NAV3: variants seen among roughly 807,000 people sequenced by gnomAD.
The protein encoded by NAV3 is pore membrane and/or filament interacting like protein 1.
In NAV3, 87 loss-of-function variants were observed where a neutral mutation model predicts 244.7. The ratio of observed to expected loss-of-function variants is 0.36; its 90% CI spans 0.30 to 0.42. The LOEUF is 0.42. Ranked by LOEUF, NAV3 falls within the 20% of genes least tolerant of loss-of-function variation. NAV3 has a pLI of 1.00. For missense variants in NAV3, 2,663 were observed against 2,893.3 expected, an observed-to-expected ratio of 0.92 and a Z score of 1.83; for synonymous variants, 1,126 against 1,042.2, an observed-to-expected ratio of 1.08 and a Z score of -1.55.
chr12:77,581,440 A>G (rs1689576761), intron 2 of NAV3, among the ~76,000 whole-genome samples: 1 of 152,166 alleles, frequency 6.6e-6, no homozygotes, highest in African/African-American at 2.4e-5. Context: ...ATTACACTGA[A>G]TAGTGTAGTT....
Position 77,831,540 on chromosome 12 carries a change from C to T in NAV3, c.79C>T (p.Pro27Ser). The change falls in exon 1 of 40, where the codon CCA (proline) becomes TCA (serine). Residue 27 changes from proline (P) to serine (S), a missense_variant. By Grantham distance (74) the Pro-to-Ser change is moderately conservative. Transcript: ENST00000397909. ...SKPVHTALPI[P>S]NLGTTGSQHC... ...GCCTGTGCATACTGCTCTTCCGATA[C>T]CAAATCTTGGCACTACTGGGTCACA... 1 of 1,614,094 alleles carries T rather than the reference C, an allele frequency of 6.2e-7. No individual in the cohort carries two copies. The highest frequency in any genetic ancestry group is 8.5e-7 in the Non-Finnish European group (1 of 1,180,002).
At chr12:78,077,310 G>C (rs1593488973) in intron 12 of NAV3, among the ~76,000 whole-genome samples, 2 of 152,060 alleles carry the variant, frequency 1.3e-5, no homozygotes, top group African/African-American at 4.8e-5. Context: ...ATTCTTATCT[G>C]GGCCAGAGTT....
At chr12:78,192,188 T>C (rs1959012388) in intron 34 of NAV3, among the ~76,000 whole-genome samples, 1 of 151,954 alleles carries the variant, frequency 6.6e-6, no homozygotes, top group Admixed American at 6.6e-5. Context: ...CATGTTAGTG[T>C]CCTATTAACT....
At chr12:77,935,510 G>A (rs1329827573) in intron 1 of NAV3, among the ~76,000 whole-genome samples, 1 of 152,030 alleles carries the variant, frequency 6.6e-6, no homozygotes, top group Non-Finnish European at 1.5e-5. Context: ...CAATAATAAT[G>A]GTTTACAATA....
intron 1 of NAV3, among the ~76,000 whole-genome samples, chr12:77,929,798 A>ATTTTTTT (rs10602394): frequency 5.6e-4 from 59 of 105,954 alleles, no homozygotes; most frequent in African/African-American, 6.6e-4. Flanking sequence ...ACGGCCAGCT[A>ATTTTTTT]TTTTTTTTTT....
chr12:78,077,618 T>A (rs35366465), intron 12 of NAV3, among the ~76,000 whole-genome samples: 18,817 of 152,208 alleles, frequency 0.12, 1,227 homozygotes, highest in Non-Finnish European at 0.15. Context: ...TATAACAAAG[T>A]ACTACAGATT....
chr12:77,761,161 C>A (rs946401173), intron 2 of NAV3, among the ~76,000 whole-genome samples: 1 of 152,268 alleles, frequency 6.6e-6, no homozygotes, highest in Middle Eastern at 3.4e-3. Flanking sequence ...CACGTTCAAG[C>A]GATTCTCCTG....
chr12:78,102,927 C>T (rs1954610710), intron 12 of NAV3, among the ~76,000 whole-genome samples: 1 of 152,082 alleles, frequency 6.6e-6, no homozygotes, highest in African/African-American at 2.4e-5. Context: ...TTTTTTCCTC[C>T]TAGGCTTCTG....
At chr12:78,116,721 G>A (rs917179222) in intron 12 of NAV3, 51 bp from the exon 13 acceptor site, 2 of 1,461,486 alleles carry the variant, frequency 1.4e-6, no homozygotes, top group Admixed American at 2.0e-5. Flanking sequence ...TAGGTGACTT[G>A]CATTGTGCAT....
intron 11 of NAV3, chr12:78,056,226 C>T (rs1217480868): frequency 6.6e-6 from 1 of 152,178 alleles, no homozygotes; most frequent in Non-Finnish European, 1.5e-5. Context: ...GATGATGAGG[C>T]TGGTCTTAGC....
At chr12:78,120,124 A>C (rs1955609379) in intron 15 of NAV3, among the ~76,000 whole-genome samples, 179 bp downstream of exon 15, 1 of 151,232 alleles carries the variant, frequency 6.6e-6, no homozygotes, top group Non-Finnish European at 1.5e-5. Context: ...ACAGCTAGCA[A>C]AAAAAATAGT....
rs1873581818 is a variant in NAV3, at chr12:77,831,151, CAGAGAGAGAGAGAGAGACAGAGAGAG to C, written c.-269_-244del. 8.3e-5 allele frequency: 13 copies of C among 156,000 alleles called. No individual in the cohort carries two copies. Among genetic ancestry groups the C allele is most frequent in the South Asian group, 1.4e-4 (1 of 7,070 alleles). 9.7% of individuals were successfully genotyped at this position (156,000 alleles called of 1,614,324 possible). ...ATTACTTAGATACTGAGTCACTGAA[CAGAGAGAGAGAGAGAGACAGAGAGAG>C]AGAGAGAGAGAGAGAGACAGAGAGA... On this transcript the variant is annotated 5_prime_UTR_variant, in exon 1 of 40. Coordinates refer to ENST00000397909, the MANE Select transcript of NAV3 (RefSeq NM_001024383.2).
chr12:78,147,882 T>C (rs927922713), intron 21 of NAV3, among the ~76,000 whole-genome samples: 4 of 152,076 alleles, frequency 2.6e-5, no homozygotes, highest in African/African-American at 4.8e-5. Flanking sequence ...AAAAGTAGAA[T>C]GTTTAACATC....
intron 8 of NAV3, among the ~76,000 whole-genome samples, chr12:78,012,121 G>T (rs1437776684): frequency 2.6e-5 from 4 of 152,076 alleles, no homozygotes; most frequent in Admixed American, 6.6e-5. Flanking sequence ...AAGAAGAAAA[G>T]AAATGGAAAT....
intron 1 of NAV3, among the ~76,000 whole-genome samples, chr12:77,895,667 T>C (rs181676684): frequency 9.9e-5 from 15 of 151,880 alleles, no homozygotes; most frequent in African/African-American, 3.4e-4. Flanking sequence ...TAAATAGTTA[T>C]CATGACTGTT....
intron 2 of NAV3, among the ~76,000 whole-genome samples, chr12:77,767,613 C>T (rs1320760448): frequency 6.6e-6 from 1 of 152,190 alleles, no homozygotes; most frequent in South Asian, 2.1e-4. Flanking sequence ...GGTGCCAGCA[C>T]AGACACCGGC....
At chr12:78,037,307 A>G (rs1880070612) in intron 9 of NAV3, 1 of 702,990 alleles carries the variant, frequency 1.4e-6, no homozygotes. Context: ...GTTTGCGGGA[A>G]GGGACAGCTC....
chr12:77,992,685 C>T (rs1243859826), intron 5 of NAV3, among the ~76,000 whole-genome samples: 1 of 151,998 alleles, frequency 6.6e-6, no homozygotes, highest in Non-Finnish European at 1.5e-5. Context: ...ACTAAGTAAA[C>T]AATGCATAAA....
At chr12:77,870,726 G>A (rs1169057732) in intron 1 of NAV3, among the ~76,000 whole-genome samples, 1 of 152,060 alleles carries the variant, frequency 6.6e-6, no homozygotes, top group African/African-American at 2.4e-5. Flanking sequence ...AAAGACAGTG[G>A]GAAATCTGAC....
Sources: gnomAD v4.1 joint callset for allele counts (sites outside exome capture counted in the v4.1 genomes callset) on GRCh38, gnomAD v4.1.1 for gene constraint, MANE v1.5 for transcripts, NCBI Gene and HGNC (gene_info 2026-07-23, HGNC 2026-07-21) for gene names.